The following SCN10A variants were observed in gnomAD, a reference collection of about 807,000 sequenced individuals.
SCN10A encodes the protein sodium voltage-gated channel alpha subunit 10, also known as sodium channel protein type 10 subunit alpha.
SCN10A carries 162 observed loss-of-function variants against 170.7 expected under a neutral mutation model. The ratio of observed to expected loss-of-function variants is 0.95; its 90% confidence interval spans 0.84 to 1.08. The LOEUF is 1.08. Among genes scored for constraint, SCN10A ranks in the 50% least tolerant of loss-of-function variants. The pLI is 0.00. For synonymous variants in SCN10A, 985 were observed against 904.6 expected, an observed-to-expected ratio of 1.09 and a Z score of -1.59; for missense variants, 2,527 against 2,436.9, an observed-to-expected ratio of 1.04 and a Z score of -0.78.
chr3:38,758,468 T>C (rs985038712), intron 8 of SCN10A, among the ~76,000 whole-genome samples: 10 of 152,226 alleles, frequency 6.6e-5, no homozygotes, highest in Non-Finnish European at 1.0e-4. Context: ...GTATATAAAC[T>C]GCAAAGGAAA....
In SCN10A at chr3:38,701,752, G is replaced by A; in HGVS notation, c.4657+87C>T. 6.2e-6 allele frequency: 8 copies of A among 1,283,774 alleles called. No individual in the cohort carries two copies. In the South Asian group the frequency reaches 1.0e-4, roughly 17 times the overall value. The allele number at this position is 1,283,774 out of a possible 1,614,324, so 79.5% of individuals were successfully genotyped here. On this transcript the variant is annotated intron_variant, in intron 27 of 27. Transcript: ENST00000449082. ...ACATAAACACGTATTTCAAAAAGTT[G>A]GTTGGTTATTTCCTTGGTTTTAGAA...
intron 5 of SCN10A, among the ~76,000 whole-genome samples, chr3:38,769,581 T>G (rs2063975308): frequency 6.6e-6 from 1 of 152,152 alleles, no homozygotes; most frequent in South Asian, 2.1e-4. Context: ...TCTTCTTAGT[T>G]TGGATCCATT....
chr3:38,749,239 A>G (rs2063723606), intron 13 of SCN10A, among the ~76,000 whole-genome samples: 1 of 152,196 alleles, frequency 6.6e-6, no homozygotes, highest in African/African-American at 2.4e-5. Flanking sequence ...GAAAACACAC[A>G]GGACTCCTTC....
chr3:38,772,615 G>A (rs2064018076), intron 4 of SCN10A, among the ~76,000 whole-genome samples: 1 of 152,004 alleles, frequency 6.6e-6, no homozygotes, highest in Non-Finnish European at 1.5e-5. Flanking sequence ...CGTGAACCCG[G>A]GAGGCGGAGC....
chr3:38,743,276 C>G (rs1343473201), intron 13 of SCN10A, among the ~76,000 whole-genome samples: 1 of 152,216 alleles, frequency 6.6e-6, no homozygotes, highest in Non-Finnish European at 1.5e-5. Flanking sequence ...GTGCCCCACA[C>G]AGTGCGTGGG....
Position 38,720,355 on chromosome 3 carries a change from T to C in SCN10A, c.3508-1529A>G, listed in dbSNP as rs73825878. Among the ~76,000 whole-genome samples the C allele has an allele frequency of 3.2e-3, 491 of 152,284 alleles. 7 individuals are homozygous for C. The highest frequency in any genetic ancestry group is 0.011 in the African/African-American group (476 of 41,558). ...GAGGTTATAGAATGCATAAATGTGG[T>C]TTTATTTTTGTAATATGTGTATATT... is the stretch of plus-strand genomic sequence containing the variant. On this transcript the variant is annotated intron_variant, in intron 20 of 27. Coordinates refer to ENST00000449082, the MANE Select transcript of SCN10A (RefSeq NM_006514.4).
chr3:38,737,172 G>A (rs1458169183), intron 15 of SCN10A, among the ~76,000 whole-genome samples: 4 of 150,914 alleles, frequency 2.7e-5, no homozygotes, highest in Middle Eastern at 3.4e-3. Context: ...GGGTTTCACC[G>A]TGTTAGCCAA....
chr3:38,702,124 G>T lies in SCN10A; in HGVS notation c.4387-15C>A. 1 of 1,531,352 alleles carries T rather than the reference G, an allele frequency of 6.5e-7. No homozygotes were observed. The highest frequency in any genetic ancestry group is 8.8e-7 in the Non-Finnish European group (1 of 1,141,568). 94.9% of individuals were successfully genotyped at this position (1,531,352 alleles called of 1,614,324 possible). A position where few individuals can be genotyped will look rare whatever the true frequency, so the allele number is the denominator to read the frequency against. On this transcript the variant is annotated splice_polypyrimidine_tract_variant and intron_variant, in intron 26 of 27. Transcript: ENST00000449082. ...TGGAACTTGTTCTGAGAAAACAAGA[G>T]ATAGTGGCATCAGGGCCTTTGGGCC... is the stretch of plus-strand genomic sequence containing the variant.
intron 15 of SCN10A, among the ~76,000 whole-genome samples, chr3:38,735,871 A>C (rs2063555254): frequency 6.6e-6 from 1 of 152,126 alleles, no homozygotes; most frequent in Non-Finnish European, 1.5e-5. Context: ...GTGTTTATTG[A>C]GTTCCTATGT....
rs1463218573 is a variant in SCN10A, at chr3:38,697,220, A to G, written c.*129T>C. Reference sequence around the variant, plus strand: ...TGGTTACCAGTTGCATTCCCTGCCCAGTTCTGACATTGTGACCAGTGGCAT... The same window carrying G: ...TGGTTACCAGTTGCATTCCCTGCCCGGTTCTGACATTGTGACCAGTGGCAT... On this transcript the variant is annotated 3_prime_UTR_variant, in exon 28 of 28. Transcript: ENST00000449082. 3.5e-6 allele frequency: 5 copies of G among 1,444,408 alleles called. No individual in the cohort carries two copies. Among genetic ancestry groups the G allele is most frequent in the African/African-American group, 1.4e-5 (1 of 70,504 alleles). The allele number at this position is 1,444,408 out of a possible 1,614,324, so 89.5% of individuals were successfully genotyped here.
chr3:38,768,046 A>G (rs186088932), intron 5 of SCN10A, among the ~76,000 whole-genome samples: 26 of 152,190 alleles, frequency 1.7e-4, no homozygotes, highest in African/African-American at 5.8e-4. Flanking sequence ...TCTCTGATAT[A>G]AGAATAGCTA....
intron 5 of SCN10A, among the ~76,000 whole-genome samples, chr3:38,765,023 A>G (rs1221390827): frequency 6.6e-6 from 1 of 151,638 alleles, no homozygotes; most frequent in African/African-American, 2.4e-5. Context: ...AGAATTGCGT[A>G]TTCTTGTCCT....
intron 4 of SCN10A, among the ~76,000 whole-genome samples, chr3:38,774,191 G>A (rs2064043374): frequency 6.6e-6 from 1 of 152,108 alleles, no homozygotes; most frequent in Admixed American, 6.5e-5. Flanking sequence ...TGAGCTGTCA[G>A]CTTCCATATC....
chr3:38,814,757 G>A (rs566593455), intron 1 of SCN10A, among the ~76,000 whole-genome samples: 126 of 152,254 alleles, frequency 8.3e-4, no homozygotes, highest in Middle Eastern at 3.4e-3. Flanking sequence ...AGGGAACTAG[G>A]AAATTACTTT....
chr3:38,759,248 G>A (rs577106997), intron 8 of SCN10A, among the ~76,000 whole-genome samples: 1 of 152,218 alleles, frequency 6.6e-6, no homozygotes, highest in African/African-American at 2.4e-5. Context: ...TGGGTGAGAT[G>A]GGCCTTTTTG....
Position 38,718,755 on chromosome 3 carries a change from G to T in SCN10A, c.3579C>A (p.Phe1193Leu), listed in dbSNP as rs747712985. 2 of 1,614,226 alleles carry T rather than the reference G, an allele frequency of 1.2e-6. No homozygotes were observed. The highest frequency in any genetic ancestry group is 1.7e-6 in the Non-Finnish European group (2 of 1,180,024). ...KALLEYTDRV[F>L]TFIFVFEMLL... ...GCATCTCGAACACAAAGATAAAGGT[G>T]AAGACCCTGTCAGTGTACTCCAGCA... The change falls in exon 21 of 28, where the codon TTC (phenylalanine) becomes TTA (leucine). Residue 1193 changes from phenylalanine to leucine, a missense_variant. By Grantham distance (22) the Phe-to-Leu change is conservative. Transcript: ENST00000449082.
At chr3:38,776,630 A>C (rs917052330) in intron 4 of SCN10A, among the ~76,000 whole-genome samples, 4 of 152,110 alleles carry the variant, frequency 2.6e-5, no homozygotes, top group South Asian at 2.1e-4. Flanking sequence ...GTTAGATTTT[A>C]AAATTATATG....
chr3:38,809,288 A>G (rs945334624), intron 1 of SCN10A, among the ~76,000 whole-genome samples: 17 of 152,308 alleles, frequency 1.1e-4, no homozygotes, highest in African/African-American at 3.4e-4. Context: ...CTTCATAGAC[A>G]CTTTGTTCTT....
chr3:38,804,935 T>G (rs2064396324), intron 1 of SCN10A, among the ~76,000 whole-genome samples: 1 of 152,130 alleles, frequency 6.6e-6, no homozygotes, highest in South Asian at 2.1e-4. Flanking sequence ...AAGAAAAGTT[T>G]CAAGAACTGC....
Sources: allele counts gnomAD v4.1 joint callset (sites outside exome capture counted in the v4.1 genomes callset), GRCh38; gene constraint gnomAD v4.1.1; transcripts MANE v1.5; gene names NCBI Gene and HGNC (gene_info 2026-07-23, HGNC 2026-07-21).